The following JMJD1C variants were observed in gnomAD, a reference collection of about 807,000 sequenced individuals.
JMJD1C encodes the protein jumonji domain-containing protein 1C.
JMJD1C carries 31 observed loss-of-function variants against 245.3 expected under a neutral mutation model. The ratio of observed to expected loss-of-function variants is 0.13; its 90% CI spans 0.09 to 0.17. JMJD1C has a LOEUF of 0.17. JMJD1C is among the 10% of genes least tolerant of loss of function. The pLI is 1.00. For synonymous variants in JMJD1C, 1,057 were observed against 1,017.4 expected, an observed-to-expected ratio of 1.04 and a Z score of -0.74; for missense variants, 2,691 against 3,000.2, an observed-to-expected ratio of 0.90 and a Z score of 2.41.
intron 3 of JMJD1C, among the ~76,000 whole-genome samples, chr10:63,260,598 AT>A (rs201996817): frequency 2.0e-5 from 3 of 150,682 alleles, no homozygotes; most frequent in African/African-American, 4.9e-5. Flanking sequence ...AAAAAAAACT[AT>A]TTTTTTTTGA....
intron 5 of JMJD1C, among the ~76,000 whole-genome samples, chr10:63,215,974 C>T (rs118100809): frequency 0.017 from 2,651 of 152,102 alleles, 32 homozygotes; most frequent in South Asian, 0.034. Flanking sequence ...AATACAGATG[C>T]CAACAATTCT....
chr10:63,367,838 C>G (rs1373872856), intron 2 of JMJD1C, among the ~76,000 whole-genome samples: 1 of 152,128 alleles, frequency 6.6e-6, no homozygotes, highest in African/African-American at 2.4e-5. Context: ...GTTTATGGAT[C>G]AAGGTAAAAC....
chr10:63,264,897 A>C, intron 2 of JMJD1C, 133 bp from the exon 3 acceptor site: 1 of 498,668 alleles, frequency 2.0e-6, no homozygotes, highest in African/African-American at 2.0e-5. Context: ...ATTAATTTTC[A>C]TATTATAAAC....
chr10:63,372,290 TC>T (rs1946380466), intron 2 of JMJD1C, among the ~76,000 whole-genome samples: 1 of 152,240 alleles, frequency 6.6e-6, no homozygotes, highest in South Asian at 2.1e-4. Context: ...AGTCTGAGTT[TC>T]CTAAAACTCA....
At chr10:63,315,929 G>A (rs527370635) in intron 2 of JMJD1C, among the ~76,000 whole-genome samples, 1 of 152,028 alleles carries the variant, frequency 6.6e-6, no homozygotes, top group African/African-American at 2.4e-5. Flanking sequence ...AGCACTTTGG[G>A]AGGCTGAGAT....
At chr10:63,307,392 A>G (rs1395458871) in intron 2 of JMJD1C, among the ~76,000 whole-genome samples, 1 of 152,376 alleles carries the variant, frequency 6.6e-6, no homozygotes, top group East Asian at 1.9e-4. Flanking sequence ...TTTCCAGGTT[A>G]AGATGGCGAA....
rs532014488 is a variant in JMJD1C, at chr10:63,209,349, TAGC to T, written c.2695-117_2695-115del. 2.2e-5 allele frequency: 16 copies of T among 714,610 alleles called. No homozygotes were observed. In the South Asian group the frequency reaches 5.9e-4, roughly 26 times the overall value. The allele number at this position is 714,610 out of a possible 1,614,324, so 44.3% of individuals were successfully genotyped here. A position where few individuals can be genotyped will look rare whatever the true frequency, so the allele number is the denominator to read the frequency against. ...TTGGTGGTTTATTAGTTCATTCAAATAGCAGTTTCTTTGGGAAACTTGTAACTT... is the reference window on the plus strand; with the variant it reads ...TTGGTGGTTTATTAGTTCATTCAAATAGTTTCTTTGGGAAACTTGTAACTT... On this transcript the variant is annotated intron_variant, in intron 8 of 25. Transcript: ENST00000399262.
chr10:63,234,874 G>A (rs1850535018), intron 3 of JMJD1C, among the ~76,000 whole-genome samples: 1 of 151,962 alleles, frequency 6.6e-6, no homozygotes. Flanking sequence ...ACCTTTGCTA[G>A]TCATAAAAAT....
chr10:63,212,752 A>G (rs1421529752), intron 8 of JMJD1C, among the ~76,000 whole-genome samples: 1 of 152,112 alleles, frequency 6.6e-6, no homozygotes, highest in Non-Finnish European at 1.5e-5. Flanking sequence ...AATATATATC[A>G]AAAGCCTTAC....
Position 63,214,363 on chromosome 10 carries a change from G to C in JMJD1C, c.1804C>G (p.Pro602Ala), listed in dbSNP as rs200874068. The C allele has an allele frequency of 6.0e-5, 97 of 1,613,988 alleles. No homozygotes were observed. The African/African-American group carries it at 1.1e-3, about 18-fold the overall frequency. Residue 602 changes from proline (P) to alanine (A), a missense_variant, in exon 8 of 26, where the codon CCT (proline) becomes GCT (alanine). Around this residue, in one of 9 missense-constraint regions of JMJD1C, gnomAD observed 1,562 missense variants for 1,490.7 expected, o/e 1.05. Coordinates refer to ENST00000399262, the MANE Select transcript of JMJD1C (RefSeq NM_032776.3). Reference protein sequence around the residue: ...EKEKYVSYISPLSAVSVMEDK... With the variant: ...EKEKYVSYISALSAVSVMEDK... ...TCCATGACAGAAACTGCACTTAAAG[G>C]AGAAATGTAAGAGACATACTTCTCT...
chr10:63,275,377 A>G (rs1028366257), intron 2 of JMJD1C, among the ~76,000 whole-genome samples: 1 of 152,266 alleles, frequency 6.6e-6, no homozygotes, highest in African/African-American at 2.4e-5. Context: ...GCAAAGTCAC[A>G]AAGTACAAAG....
At chr10:63,437,323 T>A (rs777981225) in intron 1 of JMJD1C, among the ~76,000 whole-genome samples, 2 of 152,158 alleles carry the variant, frequency 1.3e-5, no homozygotes, top group African/African-American at 2.4e-5. Flanking sequence ...TCTTCTCAAA[T>A]CCTATCAGCT....
At chr10:63,469,406 A>G (rs941725467), upstream of JMJD1C, among the ~76,000 whole-genome samples, 1 of 152,236 alleles carries the variant, frequency 6.6e-6, no homozygotes, top group Non-Finnish European at 1.5e-5. Context: ...AGATCTTGTG[A>G]TAACAAAGGC....
chr10:63,240,596 C>A (rs997112838), intron 3 of JMJD1C, among the ~76,000 whole-genome samples: 5 of 152,072 alleles, frequency 3.3e-5, no homozygotes, highest in Admixed American at 3.3e-4. Context: ...TAACGGTTCA[C>A]ATTATAAGAA....
chr10:63,188,713 A>T (rs1844422849), intron 18 of JMJD1C, among the ~76,000 whole-genome samples: 2 of 152,234 alleles, frequency 1.3e-5, no homozygotes, highest in Admixed American at 6.5e-5. Flanking sequence ...ATAGTTTGTC[A>T]TTCAAGATTT....
chr10:63,321,417 G>C (rs1305090515), intron 2 of JMJD1C, among the ~76,000 whole-genome samples: 1 of 152,214 alleles, frequency 6.6e-6, no homozygotes, highest in Non-Finnish European at 1.5e-5. Context: ...TCCTCAATCA[G>C]TGGGATCTGA....
At chr10:63,192,258 T>TAAAAAAAA (rs10604690) in intron 16 of JMJD1C, among the ~76,000 whole-genome samples, 1 of 110,372 alleles carries the variant, frequency 9.1e-6, no homozygotes, top group Admixed American at 9.6e-5. Flanking sequence ...CTACAAAAAC[T>TAAAAAAAA]AAAAAAAAAA....
At chr10:63,399,741 G>T in intron 1 of JMJD1C, among the ~76,000 whole-genome samples, 1 of 150,752 alleles carries the variant, frequency 6.6e-6, no homozygotes, top group Admixed American at 6.6e-5. Flanking sequence ...ATGCCACTTA[G>T]GCTTCTGTTT....
rs146552016 is a variant in JMJD1C at position 63,286,653 on chromosome 10, T to C, written c.334-21889A>G. Among the ~76,000 whole-genome samples, 492 of 152,254 alleles carry C rather than the reference T, an allele frequency of 3.2e-3. 3 individuals are homozygous for C. Among genetic ancestry groups the C allele is most frequent in the African/African-American group, 0.011 (477 of 41,556 alleles). On this transcript the variant is annotated intron_variant, in intron 2 of 25. Coordinates refer to ENST00000399262, the MANE Select transcript of JMJD1C (RefSeq NM_032776.3). Reference sequence around the variant, plus strand: ...AGAGGCCCTTTAAACTTTACCCAATTATACACACCAGGTTTTCAAATACGA... The same window carrying C: ...AGAGGCCCTTTAAACTTTACCCAATCATACACACCAGGTTTTCAAATACGA...
Sources: allele counts gnomAD v4.1 joint callset (sites outside exome capture counted in the v4.1 genomes callset), GRCh38; gene constraint gnomAD v4.1.1; regional missense constraint gnomAD v4.1.1; transcripts MANE v1.5; gene names NCBI Gene and HGNC (gene_info 2026-07-23, HGNC 2026-07-21).